The following PTPRR variants were observed in gnomAD, a reference collection of about 807,000 sequenced individuals.
PTPRR encodes the protein protein tyrosine phosphatase receptor type R.
In PTPRR, 38 loss-of-function variants were observed where a neutral mutation model predicts 77.2. The ratio of observed to expected loss-of-function variants is 0.49; its 90% CI spans 0.38 to 0.65. The LOEUF (loss-of-function observed/expected upper bound fraction) is 0.65, where lower values mean the gene tolerates loss of function less well. Ranked by LOEUF, PTPRR falls within the 30% of genes least tolerant of loss-of-function variation. The pLI is 0.00. For synonymous variants in PTPRR, 299 were observed against 283.1 expected, an observed-to-expected ratio of 1.06 and a Z score of -0.57; for missense variants, 744 against 799.2, an observed-to-expected ratio of 0.93 and a Z score of 0.83.
intron 2 of PTPRR, among the ~76,000 whole-genome samples, chr12:70,819,680 G>C (rs1891969838): frequency 6.6e-6 from 1 of 152,164 alleles, no homozygotes; most frequent in Non-Finnish European, 1.5e-5. Flanking sequence ...GGGTAATTTG[G>C]ACATAGAATG....
At chr12:70,910,242 T>C (rs536846713) in intron 1 of PTPRR, among the ~76,000 whole-genome samples, 4 of 152,302 alleles carry the variant, frequency 2.6e-5, no homozygotes, top group African/African-American at 7.2e-5. Flanking sequence ...TGCAGGGTCT[T>C]ATACATTAGC....
intron 12 of PTPRR, among the ~76,000 whole-genome samples, chr12:70,659,560 A>ATAGTT: frequency 6.6e-6 from 1 of 152,138 alleles, no homozygotes; most frequent in Non-Finnish European, 1.5e-5. Flanking sequence ...AGGGGAAGTG[A>ATAGTT]CTAGTTCATT....
At chr12:70,667,913 T>C (rs1046407580) in intron 10 of PTPRR, among the ~76,000 whole-genome samples, 4 of 152,058 alleles carry the variant, frequency 2.6e-5, no homozygotes, top group Non-Finnish European at 5.9e-5. Context: ...ATGAATCCTT[T>C]AGTCTACTCC....
At chr12:70,678,370 C>T (rs1178494382) in intron 10 of PTPRR, among the ~76,000 whole-genome samples, 1 of 152,128 alleles carries the variant, frequency 6.6e-6, no homozygotes, top group Non-Finnish European at 1.5e-5. Flanking sequence ...ATTTAATTTC[C>T]TCACTCATTA....
chr12:70,736,135 G>A (rs183448478), intron 6 of PTPRR, among the ~76,000 whole-genome samples: 150 of 152,182 alleles, frequency 9.9e-4, no homozygotes, highest in African/African-American at 3.4e-3. Context: ...GGTCATTTAT[G>A]TCAGATTACC....
chr12:70,761,373 C>T, intron 4 of PTPRR, 98 bp downstream of exon 4: 1 of 1,143,494 alleles, frequency 8.7e-7, no homozygotes, highest in East Asian at 2.5e-5. Context: ...AAATAACATA[C>T]AATAAACAAC....
intron 6 of PTPRR, among the ~76,000 whole-genome samples, chr12:70,709,357 A>G (rs1888737737): frequency 6.6e-6 from 1 of 152,202 alleles, no homozygotes; most frequent in Admixed American, 6.6e-5. Context: ...CACAGTCAAC[A>G]TCATACTTGA....
At chr12:70,867,604 A>G (rs1290710937) in intron 2 of PTPRR, among the ~76,000 whole-genome samples, 1 of 151,634 alleles carries the variant, frequency 6.6e-6, no homozygotes, top group Non-Finnish European at 1.5e-5. Context: ...GAAAATGGCC[A>G]TACTGCCCAA....
chr12:70,672,569 G>C, intron 10 of PTPRR: 1 of 1,379,146 alleles, frequency 7.3e-7, no homozygotes, highest in South Asian at 1.2e-5. Flanking sequence ...TACCCTCTGG[G>C]CCTTGCCTTG....
intron 2 of PTPRR, among the ~76,000 whole-genome samples, chr12:70,822,589 G>A (rs1892034373): frequency 6.6e-6 from 1 of 152,092 alleles, no homozygotes; most frequent in African/African-American, 2.4e-5. Context: ...GAAATTAGAT[G>A]GCAAGCCATG....
At chr12:70,743,076 A>G (rs1890103808) in intron 6 of PTPRR, among the ~76,000 whole-genome samples, 1 of 152,194 alleles carries the variant, frequency 6.6e-6, no homozygotes, top group Admixed American at 6.5e-5. Context: ...AAAAGGTGGT[A>G]AGATAAGAAG....
chr12:70,656,697 C>G lies in PTPRR; in HGVS notation c.1880+7G>C, dbSNP rs1202515940. ...GTGCTCTGAAGGCAAGCCTCTGTGACACTCACCTATCCATACGAAGCTGGC... is the reference window on the plus strand; with the variant it reads ...GTGCTCTGAAGGCAAGCCTCTGTGAGACTCACCTATCCATACGAAGCTGGC... On this transcript the variant is annotated splice_region_variant and intron_variant, in intron 13 of 13. Transcript: ENST00000283228. The G allele has an allele frequency of 6.3e-7, 1 of 1,597,328 alleles. No homozygotes were observed. Among genetic ancestry groups the G allele is most frequent in the Non-Finnish European group, 8.6e-7 (1 of 1,164,842 alleles).
intron 1 of PTPRR, among the ~76,000 whole-genome samples, chr12:70,896,660 A>G (rs1213974839): frequency 1.3e-5 from 2 of 151,828 alleles, no homozygotes; most frequent in African/African-American, 2.4e-5. Context: ...AAATTAGAAC[A>G]TATTTTGAAC....
In PTPRR at chr12:70,891,334, T is replaced by C. The variant is rs1254770293; in HGVS notation, c.357+1345A>G. On this transcript the variant is annotated intron_variant, in intron 2 of 13. Coordinates refer to ENST00000283228, the MANE Select transcript of PTPRR (RefSeq NM_002849.4). ...TTAAGAGTTGATGACTATGGGTATA[T>C]GATGGTCACTAAGGAAATATCTCCC... Among the ~76,000 whole-genome samples the C allele has an allele frequency of 3.3e-5, 5 of 152,270 alleles. No homozygotes were observed. In the East Asian group the frequency reaches 7.7e-4, roughly 24 times the overall value.
At chr12:70,851,764 C>G (rs1202131738) in intron 2 of PTPRR, among the ~76,000 whole-genome samples, 2 of 151,970 alleles carry the variant, frequency 1.3e-5, no homozygotes, top group Admixed American at 1.3e-4. Flanking sequence ...ATGCAAGAAG[C>G]CATTGATGTT....
intron 10 of PTPRR, among the ~76,000 whole-genome samples, 190 bp from the exon 11 acceptor site, chr12:70,662,795 A>G (rs1469437399): frequency 6.6e-6 from 1 of 152,132 alleles, no homozygotes; most frequent in Non-Finnish European, 1.5e-5. Flanking sequence ...ATGGTATATA[A>G]ATTATATCTC....
intron 2 of PTPRR, among the ~76,000 whole-genome samples, chr12:70,775,782 C>T (rs997257861): frequency 6.6e-6 from 1 of 151,182 alleles, no homozygotes; most frequent in Non-Finnish European, 1.5e-5. Context: ...AATGTGCCCC[C>T]CAACCCTTTT....
rs1299286333 is a variant in PTPRR, at chr12:70,725,220, G to A, written c.1007+20598C>T. 2.6e-5 allele frequency among the ~76,000 whole-genome samples: 4 copies of A among 152,184 alleles called. No homozygotes were observed. In the East Asian group the frequency reaches 7.7e-4, roughly 29 times the overall value. On this transcript the variant is annotated intron_variant, in intron 6 of 13. Coordinates refer to ENST00000283228, the MANE Select transcript of PTPRR (RefSeq NM_002849.4). The stretch of plus-strand genomic sequence containing the variant: ...AGACATTCAGTCACTGACTGATTTT[G>A]TTATTTTTATCTCATGTCAAAATTT...
chr12:70,883,087 C>G (rs987444961), intron 2 of PTPRR, among the ~76,000 whole-genome samples: 7 of 152,000 alleles, frequency 4.6e-5, no homozygotes, highest in Non-Finnish European at 7.4e-5. Context: ...ATAGTGAAAC[C>G]CTGTTTCTAC....
Sources: allele counts gnomAD v4.1 joint callset (sites outside exome capture counted in the v4.1 genomes callset), GRCh38; gene constraint gnomAD v4.1.1; transcripts MANE v1.5; gene names NCBI Gene and HGNC (gene_info 2026-07-23, HGNC 2026-07-21).